CUEDC1: variants seen among roughly 807,000 people sequenced by gnomAD.
The protein encoded by CUEDC1 is CUE domain-containing protein 1.
In CUEDC1, 30 loss-of-function variants were observed where a neutral mutation model predicts 43.7. That is an observed-to-expected ratio of 0.69 (90% confidence interval 0.51 to 0.93). The LOEUF (loss-of-function observed/expected upper bound fraction) is 0.93. Ranked by LOEUF, CUEDC1 falls within the 40% of genes least tolerant of loss-of-function variation. CUEDC1 has a pLI of 0.00. For synonymous variants in CUEDC1, 223 were observed against 223.6 expected, an observed-to-expected ratio of 1.00 and a Z score of 0.02; for missense variants, 486 against 549.0, an observed-to-expected ratio of 0.89 and a Z score of 1.15.
At chr17:57,925,682 A>G (rs1056770223) in intron 1 of CUEDC1, among the ~76,000 whole-genome samples, 8 of 152,126 alleles carry the variant, frequency 5.3e-5, no homozygotes, top group Non-Finnish European at 1.0e-4. Context: ...GATAAGCTTC[A>G]CCATCTGGGG....
chr17:57,945,590 C>T (rs1029003685), intron 1 of CUEDC1, among the ~76,000 whole-genome samples: 1 of 152,200 alleles, frequency 6.6e-6, no homozygotes, highest in Non-Finnish European at 1.5e-5. Flanking sequence ...CTGGCTTTAC[C>T]ACTAAGTAGC....
At chr17:57,932,856 C>G (rs1375122641) in intron 1 of CUEDC1, among the ~76,000 whole-genome samples, 1 of 150,994 alleles carries the variant, frequency 6.6e-6, no homozygotes, top group Non-Finnish European at 1.5e-5. Flanking sequence ...GAGCAAAACT[C>G]TGTCTTAAAA....
intron 1 of CUEDC1, among the ~76,000 whole-genome samples, chr17:57,933,241 T>G (rs2074826750): frequency 6.6e-6 from 1 of 152,216 alleles, no homozygotes; most frequent in Non-Finnish European, 1.5e-5. Flanking sequence ...TCTGGACATT[T>G]TGGATCTCTT....
At chr17:57,940,343 T>G (rs1472173651) in intron 1 of CUEDC1, among the ~76,000 whole-genome samples, 14 of 151,900 alleles carry the variant, frequency 9.2e-5, no homozygotes, top group Non-Finnish European at 4.4e-5. Flanking sequence ...TTCAAAATCC[T>G]CTCCTTTAGA....
At chr17:57,898,819 G>A (rs1264025048) in intron 1 of CUEDC1, among the ~76,000 whole-genome samples, 3 of 152,156 alleles carry the variant, frequency 2.0e-5, no homozygotes, top group African/African-American at 7.2e-5. Flanking sequence ...GGAGGAGCAG[G>A]GAGCTGGGCC....
intron 1 of CUEDC1, among the ~76,000 whole-genome samples, chr17:57,942,945 A>G (rs927054701): frequency 2.0e-4 from 30 of 152,042 alleles, no homozygotes; most frequent in Middle Eastern, 3.4e-3. Flanking sequence ...GGAGAATGGC[A>G]TGAACCCAGG....
At position 57,893,964 on chromosome 17, in the gene CUEDC1, G is replaced by T. The variant is rs572167989; in HGVS notation, c.-315-8085C>A. 2.4e-4 allele frequency among the ~76,000 whole-genome samples: 37 copies of T among 152,230 alleles called. No homozygotes were observed. The East Asian group carries it at 7.2e-3, about 29-fold the overall frequency. On this transcript the variant is annotated intron_variant, in intron 1 of 10. Coordinates refer to ENST00000577830, the MANE Select transcript of CUEDC1 (RefSeq NM_001271875.2). ...CAAAAATTAGCCAGGCATGGTGGTG[G>T]GTGCCTGTAATTCCAGCTACTCGGG... is the stretch of plus-strand genomic sequence containing the variant.
intron 8 of CUEDC1, among the ~76,000 whole-genome samples, chr17:57,867,924 G>T (rs2073983240): frequency 6.6e-6 from 1 of 152,228 alleles, no homozygotes; most frequent in Non-Finnish European, 1.5e-5. Flanking sequence ...ACAGAAGGGA[G>T]ACAGGAGCTG....
At chr17:57,871,397 G>C in intron 5 of CUEDC1, 28 bp from the exon 6 acceptor site, 1 of 1,601,594 alleles carries the variant, frequency 6.2e-7, no homozygotes, top group Non-Finnish European at 8.5e-7. Flanking sequence ...TCACAGGTCA[G>C]GGAGGTTAGC....
intron 1 of CUEDC1, among the ~76,000 whole-genome samples, chr17:57,931,965 G>C (rs2074808181): frequency 6.6e-6 from 1 of 152,086 alleles, no homozygotes; most frequent in Admixed American, 6.5e-5. Flanking sequence ...CCCTCTCTCA[G>C]AATTCTGCTT....
chr17:57,864,032 A>AG (rs1462486296), intron 10 of CUEDC1, among the ~76,000 whole-genome samples: 2 of 151,670 alleles, frequency 1.3e-5, no homozygotes, highest in African/African-American at 4.8e-5. Flanking sequence ...GAAAAGAAAA[A>AG]GAAAAAAAAA....
intron 1 of CUEDC1, among the ~76,000 whole-genome samples, chr17:57,922,157 T>TTA (rs1359747174): frequency 3.9e-5 from 6 of 152,084 alleles, no homozygotes; most frequent in African/African-American, 1.2e-4. Context: ...GCAGCAAATG[T>TTA]TACCCCTGGC....
At chr17:57,869,012 A>C in intron 7 of CUEDC1, 110 bp downstream of exon 7, 3 of 1,091,116 alleles carry the variant, frequency 2.7e-6, no homozygotes, top group Non-Finnish European at 4.1e-6. Context: ...TCACTGGTTC[A>C]CCAAGAGTCA....
rs1162482916 is a variant in CUEDC1, at chr17:57,872,779, T to C, written c.668A>G (p.Gln223Arg). Residue 223 changes from glutamine to arginine, a missense_variant, in exon 5 of 11, where the codon CAG becomes CGG. By Grantham distance (43) the Gln-to-Arg change is conservative. Coordinates refer to ENST00000577830, the MANE Select transcript of CUEDC1 (RefSeq NM_001271875.2). ...PAMAGPGPGD[Q>R]ESRWKQYLED... Reference sequence around the variant, plus strand: ...CAGGTACTGCTTCCAGCGGCTCTCCTGGTCTCCGGGCCCTGGCCCAGCCAT... The same window carrying C: ...CAGGTACTGCTTCCAGCGGCTCTCCCGGTCTCCGGGCCCTGGCCCAGCCAT... The C allele has an allele frequency of 1.2e-6, 2 of 1,614,106 alleles. No homozygotes were observed. The highest frequency in any genetic ancestry group is 1.7e-6 in the Non-Finnish European group (2 of 1,180,046).
At chr17:57,863,747 G>A (rs1029429181) in intron 10 of CUEDC1, among the ~76,000 whole-genome samples, 1 of 152,214 alleles carries the variant, frequency 6.6e-6, no homozygotes, top group Admixed American at 6.5e-5. Flanking sequence ...AGTGGCTCAC[G>A]CCTGTAATCT....
chr17:57,939,759 G>T (rs2074899214), intron 1 of CUEDC1, among the ~76,000 whole-genome samples: 1 of 152,166 alleles, frequency 6.6e-6, no homozygotes, highest in Non-Finnish European at 1.5e-5. Context: ...TCTCTCCTCA[G>T]GAGTTCACAT....
At chr17:57,948,411 AGGGT>A (rs1343897671) in intron 1 of CUEDC1, among the ~76,000 whole-genome samples, 2 of 152,070 alleles carry the variant, frequency 1.3e-5, no homozygotes, top group Non-Finnish European at 2.9e-5. Flanking sequence ...ATTGCGGGCC[AGGGT>A]CACCTGGCCC....
At chr17:57,888,693 C>A (rs145287178) in intron 1 of CUEDC1, among the ~76,000 whole-genome samples, 1 of 152,386 alleles carries the variant, frequency 6.6e-6, no homozygotes, top group Non-Finnish European at 1.5e-5. Flanking sequence ...TGGGGACCTG[C>A]CCTCAAGCCT....
intron 1 of CUEDC1, among the ~76,000 whole-genome samples, chr17:57,924,092 T>G (rs529518266): frequency 6.7e-6 from 1 of 148,322 alleles, no homozygotes; most frequent in East Asian, 1.9e-4. Context: ...CACACACCAC[T>G]GTGCTCCGAT....
Sources: gnomAD v4.1 joint callset for allele counts (sites outside exome capture counted in the v4.1 genomes callset) on GRCh38, gnomAD v4.1.1 for gene constraint, MANE v1.5 for transcripts, NCBI Gene and HGNC (gene_info 2026-07-23, HGNC 2026-07-21) for gene names.